TNS1: variants seen among roughly 807,000 people sequenced by gnomAD.
TNS1 encodes tensin-1.
TNS1 carries 62 observed loss-of-function variants against 168.6 expected under a neutral mutation model. The observed-to-expected ratio is 0.37, with a 90% confidence interval of 0.30 to 0.45. The LOEUF (loss-of-function observed/expected upper bound fraction) is 0.45, where lower values mean the gene tolerates loss of function less well. TNS1 is among the 20% of genes least tolerant of loss of function. The pLI is 1.00. For missense variants in TNS1, 2,240 were observed against 2,339.4 expected, an observed-to-expected ratio of 0.96 and a Z score of 0.88; for synonymous variants, 934 against 933.2, an observed-to-expected ratio of 1.00 and a Z score of -0.02.
intron 21 of TNS1, among the ~76,000 whole-genome samples, chr2:217,834,131 C>T (rs530638296): frequency 6.6e-6 from 1 of 152,342 alleles, no homozygotes; most frequent in Admixed American, 6.5e-5. Context: ...GGCCACCAAT[C>T]AGTCACAGCT....
chr2:217,872,004 G>A (rs1949815676), intron 18 of TNS1, among the ~76,000 whole-genome samples: 1 of 152,256 alleles, frequency 6.6e-6, no homozygotes, highest in South Asian at 2.1e-4. Context: ...CTGACTGGTT[G>A]CAGACCCACC....
In TNS1 at chr2:217,818,183, G is replaced by C. The variant is rs1212024995; in HGVS notation, c.4149C>G (p.His1383Gln). ...SPSLGRHPGAHQGNLASGLHS... is the reference protein window; with the variant it reads ...SPSLGRHPGAQQGNLASGLHS... ...GAAGACCGGAGGCCAGGTTGCCTTG[G>C]TGAGCCCCAGGGTGCCGGCCCAGGC... is the stretch of plus-strand genomic sequence containing the variant. The change falls in exon 24 of 33, where the codon CAC (histidine) becomes CAG (glutamine). Residue 1383 changes from histidine to glutamine, a missense_variant. Around this residue, in one of 2 missense-constraint regions of TNS1, gnomAD observed 2,131 missense variants for 2,171.2 expected, o/e 0.98. Coordinates refer to ENST00000682258, the MANE Select transcript of TNS1 (RefSeq NM_001387777.1). 1.2e-6 allele frequency: 2 copies of C among 1,613,704 alleles called. No homozygotes were observed. Among genetic ancestry groups the C allele is most frequent in the Non-Finnish European group, 1.7e-6 (2 of 1,179,886 alleles).
chr2:218,031,261 A>AGC (rs1553628724), intron 1 of TNS1, among the ~76,000 whole-genome samples: 1 of 118,298 alleles, frequency 8.5e-6, no homozygotes, highest in African/African-American at 3.5e-5. Context: ...TGAGTGTATG[A>AGC]GTGTGTTGTG....
chr2:217,991,188 G>A (rs538787160), intron 1 of TNS1, 132 bp from the exon 2 acceptor site: 4 of 448,858 alleles, frequency 8.9e-6, no homozygotes, highest in Admixed American at 3.6e-5. Context: ...GTCCAGAGGA[G>A]GGAGGAGGGC....
At chr2:217,918,061 A>C (rs1955276216) in intron 4 of TNS1, among the ~76,000 whole-genome samples, 2 of 152,210 alleles carry the variant, frequency 1.3e-5, no homozygotes, top group South Asian at 2.1e-4. Flanking sequence ...GAGCTGAGGC[A>C]AAAGGAAACC....
intron 1 of TNS1, among the ~76,000 whole-genome samples, chr2:218,025,025 C>T (rs1958839646): frequency 1.3e-5 from 2 of 152,282 alleles, no homozygotes; most frequent in South Asian, 4.1e-4. Flanking sequence ...GCTGAGCAGG[C>T]CTAGGCCTGG....
rs150663283 is a variant in TNS1, at chr2:217,818,165, G to A, written c.4167C>T (p.Ser1389=). Residue 1389 remains serine (S), a synonymous_variant, in exon 24 of 33, where the codon TCC becomes TCT. Transcript: ENST00000682258. ...TGGCTATTGCATTGCTATGAAGACC[G>A]GAGGCCAGGTTGCCTTGGTGAGCCC... ...HPGAHQGNLA[S]GLHSNAIASP... is the part of the protein sequence containing the mutation. 9.4e-5 allele frequency: 152 copies of A among 1,613,962 alleles called. No individual in the cohort carries two copies. The Admixed American group carries it at 1.0e-3, about 11-fold the overall frequency.
At chr2:217,940,673 C>T (rs549685469) in intron 3 of TNS1, among the ~76,000 whole-genome samples, 34 of 152,296 alleles carry the variant, frequency 2.2e-4, no homozygotes, top group Admixed American at 9.1e-4. Flanking sequence ...TGGTCGGAGG[C>T]GGTGGTTGAG....
At chr2:217,943,761 A>G (rs1957026418) in intron 3 of TNS1, 1 of 152,602 alleles carries the variant, frequency 6.6e-6, no homozygotes, top group Admixed American at 6.5e-5. Context: ...CATCAGTATC[A>G]ACAGCCCAGC....
chr2:217,990,806 T>A, intron 2 of TNS1, 136 bp downstream of exon 2: 98 of 183,702 alleles, frequency 5.3e-4, no homozygotes, highest in Middle Eastern at 4.2e-3. Context: ...CTCAGCATCC[T>A]CCACCAGATG....
intron 3 of TNS1, among the ~76,000 whole-genome samples, chr2:217,952,780 T>C (rs532982718): frequency 6.6e-6 from 1 of 152,166 alleles, no homozygotes; most frequent in African/African-American, 2.4e-5. Context: ...CCTGGTCTCA[T>C]GGATGCGAAC....
chr2:217,856,631 C>T (rs1672451656), intron 18 of TNS1, among the ~76,000 whole-genome samples: 1 of 152,092 alleles, frequency 6.6e-6, no homozygotes, highest in Admixed American at 6.6e-5. Context: ...GGGCAGGTGC[C>T]AAGTGCAGCC....
intron 3 of TNS1, among the ~76,000 whole-genome samples, chr2:217,927,623 C>G (rs934568305): frequency 2.0e-5 from 3 of 152,102 alleles, no homozygotes; most frequent in Non-Finnish European, 4.4e-5. Context: ...GACCCTATAA[C>G]CCAGAGACAA....
chr2:217,980,851 T>C (rs1220484869), intron 2 of TNS1, among the ~76,000 whole-genome samples: 3 of 152,050 alleles, frequency 2.0e-5, no homozygotes, highest in Non-Finnish European at 2.9e-5. Context: ...AGCTGCCTGG[T>C]ACACTCCCCC....
At chr2:217,930,295 G>A (rs1287558217) in intron 3 of TNS1, among the ~76,000 whole-genome samples, 1 of 152,244 alleles carries the variant, frequency 6.6e-6, no homozygotes, top group Non-Finnish European at 1.5e-5. Flanking sequence ...GGCTGTGTCC[G>A]AAGCCTCAGC....
At chr2:217,972,293 T>TA (rs1367095660) in intron 3 of TNS1, among the ~76,000 whole-genome samples, 1 of 152,178 alleles carries the variant, frequency 6.6e-6, no homozygotes, top group South Asian at 2.1e-4. Context: ...TCCAAGAGCT[T>TA]AAACACTCCA....
At chr2:217,922,344 TC>T (rs1276325206) in intron 3 of TNS1, among the ~76,000 whole-genome samples, 1 of 152,014 alleles carries the variant, frequency 6.6e-6, no homozygotes, top group Non-Finnish European at 1.5e-5. Context: ...GGGTGCCTTC[TC>T]CCAACCCACT....
upstream of TNS1, among the ~76,000 whole-genome samples, chr2:218,003,517 A>G (rs1958609173): frequency 6.6e-6 from 1 of 151,076 alleles, no homozygotes; most frequent in Non-Finnish European, 1.5e-5. Context: ...CCACGCGCCA[A>G]GCTCAGAGCC....
At chr2:218,025,848 G>C (rs1048592908) in intron 1 of TNS1, among the ~76,000 whole-genome samples, 1 of 152,060 alleles carries the variant, frequency 6.6e-6, no homozygotes, top group African/African-American at 2.4e-5. Flanking sequence ...CACTAGGGAC[G>C]GTCTTTCTAG....
Sources: allele counts gnomAD v4.1 joint callset (sites outside exome capture counted in the v4.1 genomes callset), GRCh38; gene constraint gnomAD v4.1.1; regional missense constraint gnomAD v4.1.1; transcripts MANE v1.5; gene names NCBI Gene and HGNC (gene_info 2026-07-23, HGNC 2026-07-21).